SGSM3: variants seen among roughly 807,000 people sequenced by gnomAD.
SGSM3 encodes RUN and SH3 containing 3.
In SGSM3, 96 loss-of-function variants were observed where a neutral mutation model predicts 100.5. That is an observed-to-expected ratio of 0.96 (90% CI 0.81 to 1.13). The LOEUF is 1.13. Among genes scored for constraint, SGSM3 ranks in the 50% most tolerant of loss-of-function variants. The pLI is 0.00. For missense variants in SGSM3, 1,001 were observed against 1,015.8 expected (o/e 0.99, Z 0.20); for synonymous variants, 483 against 422.8 (o/e 1.14, Z -1.75).
At chr22:40,376,178 CTTTTTTTTTT>C (rs10616868) in intron 1 of SGSM3, 7 of 86,870 alleles carry the variant, frequency 8.1e-5, no homozygotes, top group African/African-American at 2.1e-4. Context: ...CAAATTACCA[CTTTTTTTTTT>C]TTTTTTTTTT....
chr22:40,396,665 T>C (rs1433136384), intron 1 of SGSM3, among the ~76,000 whole-genome samples: 1 of 151,216 alleles, frequency 6.6e-6, no homozygotes, highest in Non-Finnish European at 1.5e-5. Flanking sequence ...CCATGGTAAA[T>C]GTCTGTAGAA....
intron 1 of SGSM3, among the ~76,000 whole-genome samples, chr22:40,393,140 CAG>C (rs2049577791): frequency 1.3e-5 from 2 of 152,180 alleles, no homozygotes; most frequent in South Asian, 2.1e-4. Context: ...TTTTTTGAGA[CAG>C]AGTCTCACTT....
At chr22:40,372,347 G>T (rs1203897324) in intron 1 of SGSM3, among the ~76,000 whole-genome samples, 1 of 151,236 alleles carries the variant, frequency 6.6e-6, no homozygotes, top group Non-Finnish European at 1.5e-5. Flanking sequence ...AGATGGTCTC[G>T]ATCTCCTGAC....
chr22:40,408,599 G>C, intron 16 of SGSM3, 28 bp from the exon 17 acceptor site: 1 of 1,613,120 alleles, frequency 6.2e-7, no homozygotes, highest in South Asian at 1.1e-5. Flanking sequence ...TCCTGTCCCT[G>C]CACTCACACC....
chr22:40,407,464 T>G lies in SGSM3; in HGVS notation c.1420T>G (p.Tyr474Asp). The G allele has an allele frequency of 1.2e-6, 2 of 1,612,400 alleles. No individual in the cohort carries two copies. Among genetic ancestry groups the G allele is most frequent in the Non-Finnish European group, 1.7e-6 (2 of 1,179,948 alleles). ...GAGCCACCAGCGGGACCACGAGAAC[T>G]ACGTGGCGTGCTCACGCAGCCACCG... is the stretch of plus-strand genomic sequence containing the variant. ...MESHQRDHEN[Y>D]VACSRSHRRR... Residue 474 changes from tyrosine to aspartate, a missense_variant, in exon 13 of 22, where the codon TAC becomes GAC. Coordinates refer to ENST00000248929, the MANE Select transcript of SGSM3 (RefSeq NM_015705.6). The surrounding 1 kb of genome is among the most constrained non-coding windows in gnomAD (Gnocchi z 4.7).
At position 40,404,536 on chromosome 22, in the gene SGSM3, CT is replaced by C; in HGVS notation, c.367-19del. On this transcript the variant is annotated intron_variant, in intron 5 of 21. Coordinates refer to ENST00000248929, the MANE Select transcript of SGSM3 (RefSeq NM_015705.6). ...GGTGTCACGAGAAAGACTGAGTGCC[CT>C]TGCGGCTCCCTTCCCTCAGCTGTGG... is the stretch of plus-strand genomic sequence containing the variant. 1 of 1,612,042 alleles carries C rather than the reference CT, an allele frequency of 6.2e-7. No individual in the cohort carries two copies.
chr22:40,404,536 C>G lies in SGSM3; in HGVS notation c.367-21C>G, dbSNP rs377448154. 1,043 of 1,611,924 alleles carry G rather than the reference C, an allele frequency of 6.5e-4. 2 individuals are homozygous for G. Among genetic ancestry groups the G allele is most frequent in the Non-Finnish European group, 8.6e-4 (1,019 of 1,178,476 alleles). On this transcript the variant is annotated intron_variant, in intron 5 of 21. Transcript: ENST00000248929. ...GGTGTCACGAGAAAGACTGAGTGCC[C>G]TTGCGGCTCCCTTCCCTCAGCTGTG...
chr22:40,382,112 G>A (rs12159137), intron 1 of SGSM3, among the ~76,000 whole-genome samples: 12 of 152,262 alleles, frequency 7.9e-5, no homozygotes, highest in African/African-American at 2.9e-4. Flanking sequence ...TGAAATGAGA[G>A]AATAAGAGTG....
intron 7 of SGSM3, 66 bp from the exon 8 acceptor site, chr22:40,405,583 A>T: frequency 6.9e-7 from 1 of 1,449,910 alleles, no homozygotes; most frequent in Non-Finnish European, 9.5e-7. Flanking sequence ...TCCCTAGGGT[A>T]GGGGCACCTT....
At chr22:40,405,544 G>A in intron 7 of SGSM3, 105 bp from the exon 8 acceptor site, 1 of 1,079,898 alleles carries the variant, frequency 9.3e-7, no homozygotes. Flanking sequence ...CAGCATGCGT[G>A]CCCCCCAAGA....
intron 1 of SGSM3, among the ~76,000 whole-genome samples, chr22:40,394,479 C>G (rs900884471): frequency 4.6e-5 from 7 of 151,974 alleles, no homozygotes; most frequent in African/African-American, 1.7e-4. Context: ...AACCCCATCT[C>G]TACTAAAAAT....
At chr22:40,408,188 C>T in intron 15 of SGSM3, 68 bp downstream of exon 15, 2 of 1,607,586 alleles carry the variant, frequency 1.2e-6, no homozygotes, top group South Asian at 2.2e-5. Context: ...CCTAGCGAGT[C>T]CTGGCCTGTA....
intron 1 of SGSM3, among the ~76,000 whole-genome samples, chr22:40,385,189 A>G (rs1360115952): frequency 2.0e-5 from 3 of 152,212 alleles, no homozygotes; most frequent in African/African-American, 7.2e-5. Flanking sequence ...TGACTAGGAA[A>G]TCACTGGAGA....
chr22:40,371,200 G>T (rs1601622347), intron 1 of SGSM3, among the ~76,000 whole-genome samples: 1 of 152,244 alleles, frequency 6.6e-6, no homozygotes, highest in Non-Finnish European at 1.5e-5. Flanking sequence ...TAGCACGGGG[G>T]AAACTGAGGC....
intron 1 of SGSM3, among the ~76,000 whole-genome samples, chr22:40,371,265 C>T (rs1346947559): frequency 2.0e-5 from 3 of 152,170 alleles, no homozygotes; most frequent in African/African-American, 7.2e-5. Context: ...GAAAATTATT[C>T]TCATACTTAG....
chr22:40,387,188 T>C, intron 1 of SGSM3: 1 of 398,616 alleles, frequency 2.5e-6, no homozygotes, highest in Non-Finnish European at 4.4e-6. Context: ...TGATGAATGC[T>C]TAACACATAT....
In SGSM3 at chr22:40,408,377, A is replaced by G; in HGVS notation, c.1730A>G (p.Lys577Arg). The change falls in exon 16 of 22, where the codon AAG (lysine) becomes AGG (arginine). Residue 577 changes from lysine to arginine, a missense_variant. Lys to Arg is a conservative substitution (Grantham distance 26, BLOSUM62 2). Coordinates refer to ENST00000248929, the MANE Select transcript of SGSM3 (RefSeq NM_015705.6). ...AAGGCCCTGTTCGAACATGGACTGA[A>G]GAAGCCATCCCTGCTTGGGGGCGCC... is the stretch of plus-strand genomic sequence containing the variant. ...ALKALFEHGL[K>R]KPSLLGGACH... is the part of the protein sequence containing the mutation. The G allele has an allele frequency of 6.2e-7, 1 of 1,613,532 alleles. No homozygotes were observed. The highest frequency in any genetic ancestry group is 8.5e-7 in the Non-Finnish European group (1 of 1,180,014).
At chr22:40,375,912 G>A (rs573503921) in intron 1 of SGSM3, among the ~76,000 whole-genome samples, 2 of 152,042 alleles carry the variant, frequency 1.3e-5, no homozygotes, top group East Asian at 3.9e-4. Flanking sequence ...ATGGTGGCGT[G>A]TGCTTGTGGT....
rs569928275 is a variant in SGSM3, at chr22:40,405,741, C to T, written c.711C>T (p.Phe237=). ...IIEDLLPASY[F]STTLLGVQTD... is the part of the protein sequence containing the mutation. ...AGGACCTGCTCCCCGCCTCCTACTT[C>T]AGCACCACCCTGCTGGGTGTCCAGA... Residue 237 remains phenylalanine, a synonymous_variant, in exon 8 of 22, where the codon TTC becomes TTT. Transcript: ENST00000248929. 143 of 1,613,846 alleles carry T rather than the reference C, an allele frequency of 8.9e-5. 4 individuals are homozygous for T. The South Asian group carries it at 1.6e-3, about 18-fold the overall frequency.
Sources: gnomAD v4.1 joint callset for allele counts (sites outside exome capture counted in the v4.1 genomes callset) on GRCh38, gnomAD v4.1.1 for gene constraint, Gnocchi (gnomAD v3.1) non-coding constraint, MANE v1.5 for transcripts, NCBI Gene and HGNC (gene_info 2026-07-23, HGNC 2026-07-21) for gene names.